TCHP: variants seen among roughly 807,000 people sequenced by gnomAD.
TCHP encodes trichoplein keratin filament-binding protein.
TCHP carries 81 observed loss-of-function variants against 88.7 expected under a neutral mutation model. That is an observed-to-expected ratio of 0.91 (90% confidence interval 0.76 to 1.10). The LOEUF (loss-of-function observed/expected upper bound fraction) is 1.10. Ranked by LOEUF, TCHP falls within the 50% of genes least tolerant of loss-of-function variation. TCHP has a pLI of 0.00. For missense variants in TCHP, 641 were observed against 632.1 expected (o/e 1.01, Z -0.15); for synonymous variants, 232 against 232.5 (o/e 1.00, Z 0.02).
At chr12:109,908,165 T>C (rs1378360072) in intron 6 of TCHP, among the ~76,000 whole-genome samples, 2 of 152,186 alleles carry the variant, frequency 1.3e-5, no homozygotes, top group Non-Finnish European at 2.9e-5. Context: ...AGGCCCATGC[T>C]CCTGTGACCT....
Position 109,907,551 on chromosome 12 carries a change from A to C in TCHP, c.551A>C (p.Asn184Thr). 4 of 1,614,236 alleles carry C rather than the reference A, an allele frequency of 2.5e-6. No homozygotes were observed. The highest frequency in any genetic ancestry group is 3.4e-6 in the Non-Finnish European group (4 of 1,180,040). Residue 184 changes from asparagine to threonine, a missense_variant, in exon 6 of 13, where the codon AAC (asparagine) becomes ACC (threonine). Transcript: ENST00000405876. ...CAAGAAGCCACCGCAGAGCAAGAGAACAAACGGTATGAAAATGAATATGAA... is the reference window on the plus strand; with the variant it reads ...CAAGAAGCCACCGCAGAGCAAGAGACCAAACGGTATGAAAATGAATATGAA... Reference protein sequence around the residue: ...KQQEATAEQENKRYENEYERA... With the variant: ...KQQEATAEQETKRYENEYERA...
chr12:109,894,922 G>A, the TCHP span, among the ~76,000 whole-genome samples: 1 of 151,784 alleles, frequency 6.6e-6, no homozygotes, highest in Non-Finnish European at 1.5e-5. Flanking sequence ...GCATGACTGT[G>A]CCATCCAGGC....
At chr12:109,891,193 G>A in the TCHP span, among the ~76,000 whole-genome samples, 1 of 152,098 alleles carries the variant, frequency 6.6e-6, no homozygotes, top group African/African-American at 2.4e-5. Flanking sequence ...TAATTTTGAA[G>A]CAAAATCTAA....
chr12:109,886,245 C>A, the TCHP span, among the ~76,000 whole-genome samples: 4 of 151,958 alleles, frequency 2.6e-5, no homozygotes, highest in Non-Finnish European at 5.9e-5. Flanking sequence ...TCAATCGATT[C>A]TTCTGCCTCA....
intron 11 of TCHP, chr12:109,914,994 T>C (rs564241094): frequency 3.5e-5 from 14 of 397,278 alleles, no homozygotes; most frequent in African/African-American, 2.5e-4. Context: ...ACGCCACGCA[T>C]ATGTATAGCC....
chr12:109,901,320 TTTTTACTAACCTTGC>T (rs1869779361), intron 1 of TCHP, among the ~76,000 whole-genome samples: 1 of 152,192 alleles, frequency 6.6e-6, no homozygotes, highest in Admixed American at 6.5e-5. Context: ...CCTTACCTTG[TTTTTACTAACCTTGC>T]TTTTAGACTC....
In TCHP at chr12:109,914,504, G is replaced by C; in HGVS notation, c.1197G>C (p.Glu399Asp). ...EKIEQNRRAQ[E>D]ESLKHREQLI... is the part of the protein sequence containing the mutation. ...TTGAGCAGAACCGACGGGCACAAGA[G>C]GAATCCCTGAAACACAGGGAGCAAC... Residue 399 changes from glutamate (E) to aspartate (D), a missense_variant, in exon 11 of 13, where the codon GAG (glutamate) becomes GAC (aspartate). Physicochemically the swap from Glu to Asp is conservative, Grantham distance 45. Transcript: ENST00000405876. 6.2e-7 allele frequency: 1 copy of C among 1,614,192 alleles called. No homozygotes were observed. The highest frequency in any genetic ancestry group is 8.5e-7 in the Non-Finnish European group (1 of 1,180,034).
intron 6 of TCHP, 108 bp downstream of exon 6, chr12:109,907,807 C>T (rs1009263402): frequency 3.7e-5 from 47 of 1,271,558 alleles, no homozygotes; most frequent in Non-Finnish European, 4.8e-5. Flanking sequence ...GGCTGAGATT[C>T]TGCAAAGGGC....
chr12:109,903,963 TGAA>T lies in TCHP; in HGVS notation c.217_219del (p.Lys73del), dbSNP rs1869968218. The T allele has an allele frequency of 3.1e-6, 5 of 1,609,548 alleles. No homozygotes were observed. The highest frequency in any genetic ancestry group is 1.8e-4 in the Middle Eastern group (1 of 5,628). On this transcript the variant is annotated inframe_deletion, in exon 3 of 13. Transcript: ENST00000405876. The surrounding 1 kb of genome is among the most constrained non-coding windows in gnomAD (Gnocchi z 4.6). Reference sequence around the variant, plus strand: ...ATGCATGCCTATCAGCGGGAGAAGATGAAGGAGGAGAAGAGGAGGAGTCTGGAG... The same window carrying T: ...ATGCATGCCTATCAGCGGGAGAAGATGGAGGAGAAGAGGAGGAGTCTGGAG...
At chr12:109,900,562 A>G (rs986112010) in intron 1 of TCHP, 136 bp downstream of exon 1, 2 of 152,232 alleles carry the variant, frequency 1.3e-5, no homozygotes, top group African/African-American at 4.8e-5. Flanking sequence ...TGCGCTCCCC[A>G]CGCGCTGTGA....
chr12:109,896,765 A>C (rs1869570630), upstream of TCHP, among the ~76,000 whole-genome samples: 1 of 152,028 alleles, frequency 6.6e-6, no homozygotes, highest in Non-Finnish European at 1.5e-5. Context: ...AAATACAAAA[A>C]TTAGCCGGAC....
At chr12:109,898,458 C>A (rs1592902426), upstream of TCHP, among the ~76,000 whole-genome samples, 1 of 152,234 alleles carries the variant, frequency 6.6e-6, no homozygotes, top group Admixed American at 6.5e-5. Flanking sequence ...GATCCGCCAG[C>A]CTTGGCCTCC....
the TCHP span, among the ~76,000 whole-genome samples, chr12:109,892,242 A>G: frequency 6.6e-6 from 1 of 152,178 alleles, no homozygotes; most frequent in Non-Finnish European, 1.5e-5. Flanking sequence ...AAAATACAGT[A>G]TGTCCTGACA....
At chr12:109,907,864 T>C (rs1259388406) in intron 6 of TCHP, among the ~76,000 whole-genome samples, 165 bp downstream of exon 6, 2 of 152,272 alleles carry the variant, frequency 1.3e-5, no homozygotes, top group African/African-American at 4.8e-5. Context: ...ATCTGCCTTG[T>C]GCTTTCCCAT....
rs138408335 is a variant in TCHP at position 109,913,054 on chromosome 12, G to A, written c.1116G>A (p.Arg372=). ...AGTGGGCCCGAGAGCGCAGCGCACG[G>A]GACAGACTGATGAGCGAGGTAATCC... is the stretch of plus-strand genomic sequence containing the variant. ...EAEWARERSA[R]DRLMSEVLTG... is the part of the protein sequence containing the mutation. The change falls in exon 10 of 13, where the codon CGG becomes CGA. Residue 372 remains arginine (R), a synonymous_variant. Transcript: ENST00000405876. 9.4e-5 allele frequency: 152 copies of A among 1,613,790 alleles called. No homozygotes were observed. The highest frequency in any genetic ancestry group is 3.3e-4 in the Middle Eastern group (2 of 6,084).
Position 109,907,707 on chromosome 12 carries a change from C to G in TCHP, c.699+8C>G, listed in dbSNP as rs753988563. On this transcript the variant is annotated splice_region_variant and intron_variant, in intron 6 of 12. Coordinates refer to ENST00000405876, the MANE Select transcript of TCHP (RefSeq NM_001143852.2). ...AAGCTGAAGGAGGTGGAGGTGGGCA[C>G]AAGCCCCTCTCAGCCGTGACCTCCT... 2 of 1,578,510 alleles carry G rather than the reference C, an allele frequency of 1.3e-6. No individual in the cohort carries two copies.
the TCHP span, among the ~76,000 whole-genome samples, chr12:109,889,753 T>C: frequency 6.6e-6 from 1 of 152,178 alleles, no homozygotes; most frequent in African/African-American, 2.4e-5. Flanking sequence ...TATGAATCGA[T>C]TTACGGAGTT....
At chr12:109,904,220 G>A (rs890368318) in intron 3 of TCHP, 73 bp downstream of exon 3, 195 of 1,398,000 alleles carry the variant, frequency 1.4e-4, no homozygotes, top group Non-Finnish European at 1.8e-4. Context: ...CACATGTAGG[G>A]TCATTCCTGG....
chr12:109,911,116 G>C lies in TCHP; in HGVS notation c.933G>C (p.Gln311His). Residue 311 changes from glutamine (Q) to histidine (H), a missense_variant, in exon 9 of 13, where the codon CAG (glutamine) becomes CAC (histidine). Coordinates refer to ENST00000405876, the MANE Select transcript of TCHP (RefSeq NM_001143852.2). ...TCCTCGAGAAGGAGGACGAGAGCCA[G>C]CGCCTCCACCTGGCCAGGCGGGAGC... Reference protein sequence around the residue: ...QALLEKEDESQRLHLARREQV... With the variant: ...QALLEKEDESHRLHLARREQV... The C allele has an allele frequency of 6.3e-7, 1 of 1,597,258 alleles. No homozygotes were observed. The highest frequency in any genetic ancestry group is 1.7e-5 in the Admixed American group (1 of 57,490).
Sources: gnomAD v4.1 joint callset for allele counts (sites outside exome capture counted in the v4.1 genomes callset) on GRCh38, gnomAD v4.1.1 for gene constraint, Gnocchi (gnomAD v3.1) non-coding constraint, MANE v1.5 for transcripts, NCBI Gene and HGNC (gene_info 2026-07-23, HGNC 2026-07-21) for gene names.